The following MECR variants were observed in gnomAD, a reference collection of about 807,000 sequenced individuals.
The protein encoded by MECR is enoyl-[acyl-carrier-protein] reductase, mitochondrial.
In MECR, 37 loss-of-function variants were observed where a neutral mutation model predicts 49.1. The ratio of observed to expected loss-of-function variants is 0.75; its 90% CI spans 0.58 to 0.99. MECR has a LOEUF of 0.99. MECR is among the 50% of genes least tolerant of loss of function. The pLI, the probability that MECR is intolerant of heterozygous loss-of-function variation, is 0.00. For missense variants in MECR, 470 were observed against 479.6 expected, an observed-to-expected ratio of 0.98 and a Z score of 0.19; for synonymous variants, 198 against 191.1, an observed-to-expected ratio of 1.04 and a Z score of -0.30.
In MECR at chr1:29,216,119, G is replaced by A. The variant is rs1335403665; in HGVS notation, c.292C>T (p.Pro98Ser). 1 of 1,614,014 alleles carries A rather than the reference G, an allele frequency of 6.2e-7. No individual in the cohort carries two copies. Among genetic ancestry groups the A allele is most frequent in the Middle Eastern group, 1.6e-4 (1 of 6,062 alleles). ...NMIQGNYGFLPELPAVGGNEG... is the reference protein window; with the variant it reads ...NMIQGNYGFLSELPAVGGNEG... ...TTCCCTCCAACAGCAGGCAGTTCAGGAAGGAATCCGTAGTTTCCTGAGGGA... is the reference window on the plus strand; with the variant it reads ...TTCCCTCCAACAGCAGGCAGTTCAGAAAGGAATCCGTAGTTTCCTGAGGGA... The change falls in exon 3 of 10, where the codon CCT becomes TCT. Residue 98 changes from proline to serine, a missense_variant. Transcript: ENST00000263702.
chr1:29,224,359 C>T (rs1445500670), intron 1 of MECR: 1 of 152,172 alleles, frequency 6.6e-6, no homozygotes, highest in Non-Finnish European at 1.5e-5. Context: ...TCCTTGGTAA[C>T]ATCTTGTGCC....
chr1:29,197,342 C>G (rs570794159), intron 7 of MECR, among the ~76,000 whole-genome samples: 2 of 152,298 alleles, frequency 1.3e-5, no homozygotes, highest in South Asian at 4.1e-4. Context: ...GAGGAAACAG[C>G]TCTACAGATA....
At chr1:29,216,283 G>T in intron 2 of MECR, 147 bp from the exon 3 acceptor site, 1 of 880,002 alleles carries the variant, frequency 1.1e-6, no homozygotes, top group Non-Finnish European at 1.7e-6. Flanking sequence ...TTGCTTGTCT[G>T]TATAGGGGGA....
intron 3 of MECR, among the ~76,000 whole-genome samples, chr1:29,215,802 C>A (rs1377667963): frequency 1.3e-5 from 2 of 151,970 alleles, no homozygotes; most frequent in Non-Finnish European, 2.9e-5. Context: ...ACTGGGGAGG[C>A]GGAGGTTTTG....
intron 7 of MECR, among the ~76,000 whole-genome samples, chr1:29,199,418 G>A (rs372045952): frequency 1.2e-3 from 182 of 151,564 alleles, no homozygotes; most frequent in African/African-American, 3.8e-3. Flanking sequence ...TAGTAGACAC[G>A]GGGTTTCACC....
At chr1:29,175,767 T>C in the MECR span, among the ~76,000 whole-genome samples, 1 of 148,398 alleles carries the variant, frequency 6.7e-6, no homozygotes, top group Non-Finnish European at 1.5e-5. Flanking sequence ...TAAGAGTGGG[T>C]CTTTAATTTT....
intron 1 of MECR, among the ~76,000 whole-genome samples, chr1:29,219,022 A>G (rs901603745): frequency 6.6e-6 from 1 of 152,102 alleles, no homozygotes; most frequent in Non-Finnish European, 1.5e-5. Context: ...AGTGTGATCT[A>G]GAGAAGCCAG....
rs1444395205 is a variant in MECR at position 29,201,979 on chromosome 1, C to T, written c.720G>A (p.Glu240=). 4 of 1,614,062 alleles carry T rather than the reference C, an allele frequency of 2.5e-6. No individual in the cohort carries two copies. In the Admixed American group the frequency reaches 5.0e-5, roughly 20 times the overall value. ...SLGAEHVITE[E]ELRRPEMKNF... is the part of the protein sequence containing the mutation. ...TTTTCATTTCGGGCCTTCTTAGCTC[C>T]TCTTCTGTGATGACATGCTCAGCCC... Residue 240 remains glutamate, a synonymous_variant, in exon 6 of 10, where the codon GAG becomes GAA. Transcript: ENST00000263702. This position sits in a 1 kb window ranked among gnomAD's most constrained non-coding sequence, Gnocchi z 4.3.
At chr1:29,179,670 A>G in the MECR span, among the ~76,000 whole-genome samples, 1 of 152,188 alleles carries the variant, frequency 6.6e-6, no homozygotes, top group Non-Finnish European at 1.5e-5. Flanking sequence ...CCAGAAACCT[A>G]AATTTCTTCA....
chr1:29,184,349 G>A, the MECR span, among the ~76,000 whole-genome samples: 28 of 150,186 alleles, frequency 1.9e-4, no homozygotes, highest in African/African-American at 6.6e-4. Flanking sequence ...TAATTTTTTT[G>A]TATCTTTAAT....
intron 7 of MECR, among the ~76,000 whole-genome samples, chr1:29,200,135 G>A (rs1674968333): frequency 1.3e-5 from 2 of 152,174 alleles, no homozygotes; most frequent in South Asian, 4.1e-4. Flanking sequence ...TAAGCATAAT[G>A]TTACCTTTAA....
rs141934269 is a variant in MECR, at chr1:29,226,896, C to T, written c.176+3835G>A. Among the ~76,000 whole-genome samples, 11 of 148,874 alleles carry T rather than the reference C, an allele frequency of 7.4e-5. No individual in the cohort carries two copies. In the East Asian group the frequency reaches 2.2e-3, roughly 29 times the overall value. On this transcript the variant is annotated intron_variant, in intron 1 of 9. Transcript: ENST00000263702. Reference sequence around the variant, plus strand: ...ATCCAGAGAATGGCAAAGTTCTGAGCGGACTTTCAGGAAAAAAAGAAGGCA... The same window carrying T: ...ATCCAGAGAATGGCAAAGTTCTGAGTGGACTTTCAGGAAAAAAAGAAGGCA...
intron 1 of MECR, among the ~76,000 whole-genome samples, chr1:29,221,903 G>A (rs186421064): frequency 1.3e-5 from 2 of 152,048 alleles, no homozygotes; most frequent in African/African-American, 2.4e-5. Context: ...ACTGACTGCC[G>A]TTCAGTCCTC....
At chr1:29,223,687 C>T (rs1418232177) in intron 1 of MECR, 1 of 152,302 alleles carries the variant, frequency 6.6e-6, no homozygotes, top group Non-Finnish European at 1.5e-5. Context: ...CTGTGGTCCC[C>T]TGGTCACCAA....
At chr1:29,180,146 C>G in the MECR span, among the ~76,000 whole-genome samples, 1 of 152,198 alleles carries the variant, frequency 6.6e-6, no homozygotes, top group East Asian at 1.9e-4. Flanking sequence ...CTTGCCCATA[C>G]GTAGTAAGTG....
chr1:29,222,596 C>A (rs1189875163), intron 1 of MECR, among the ~76,000 whole-genome samples: 1 of 152,198 alleles, frequency 6.6e-6, no homozygotes, highest in Non-Finnish European at 1.5e-5. Flanking sequence ...CAGCCTGCCC[C>A]AAACAGCAGT....
intron 1 of MECR, among the ~76,000 whole-genome samples, chr1:29,226,478 AT>A (rs1276865009): frequency 6.6e-6 from 1 of 152,166 alleles, no homozygotes; most frequent in Non-Finnish European, 1.5e-5. Flanking sequence ...CTCAAAAATC[AT>A]TTGAGACTTT....
the MECR span, among the ~76,000 whole-genome samples, chr1:29,185,656 T>C: frequency 6.6e-6 from 1 of 152,180 alleles, no homozygotes; most frequent in Non-Finnish European, 1.5e-5. Flanking sequence ...TCCAGGTGAT[T>C]CACCCGCCTG....
chr1:29,215,860 A>G, intron 3 of MECR, 145 bp downstream of exon 3: 1 of 1,039,740 alleles, frequency 9.6e-7, no homozygotes, highest in Non-Finnish European at 1.3e-6. Context: ...AATAAGAGCA[A>G]AACTCCGTCT....
Sources: allele counts gnomAD v4.1 joint callset (sites outside exome capture counted in the v4.1 genomes callset), GRCh38; gene constraint gnomAD v4.1.1; non-coding constraint Gnocchi (gnomAD v3.1); transcripts MANE v1.5; gene names NCBI Gene and HGNC (gene_info 2026-07-23, HGNC 2026-07-21).